Variants in CNTN6 observed in about 807,000 individuals in gnomAD.
The protein encoded by CNTN6 is contactin-6.
Under a neutral mutation model 122.8 loss-of-function variants are expected in CNTN6, and 137 were observed. The ratio of observed to expected loss-of-function variants is 1.12; its 90% CI spans 0.97 to 1.29. CNTN6 has a LOEUF of 1.29. Ranked by LOEUF, CNTN6 falls within the 50% of genes most tolerant of loss-of-function variation. The pLI is 0.00. For missense variants in CNTN6, 1,634 were observed against 1,223.4 expected (o/e 1.34, Z -5.01); for synonymous variants, 570 against 426.0 (o/e 1.34, Z -4.16).
chr3:1,313,126 T>C (rs1454304861), intron 7 of CNTN6, among the ~76,000 whole-genome samples: 1 of 152,042 alleles, frequency 6.6e-6, no homozygotes, highest in Non-Finnish European at 1.5e-5. Context: ...CACCTACCTA[T>C]ACCAAATTAT....
rs77469801 is a variant in CNTN6 at position 1,368,414 on chromosome 3, C to T, written c.1493-3885C>T. ...AGAGAATCATCAGCTCTAGATATTT[C>T]AACATTTATATTTCAGTGTATAATT... is the stretch of plus-strand genomic sequence containing the variant. On this transcript the variant is annotated intron_variant, in intron 12 of 22. Transcript: ENST00000446702. Among the ~76,000 whole-genome samples, 862 of 152,250 alleles carry T rather than the reference C, an allele frequency of 5.7e-3. 16 individuals carry two copies. Among genetic ancestry groups the T allele is most frequent in the African/African-American group, 0.02 (815 of 41,538 alleles).
At chr3:1,320,315 T>C (rs1700672527) in intron 7 of CNTN6, among the ~76,000 whole-genome samples, 1 of 151,788 alleles carries the variant, frequency 6.6e-6, no homozygotes, top group African/African-American at 2.4e-5. Context: ...ATATGATTTT[T>C]ATCCTTGTGC....
intron 1 of CNTN6, among the ~76,000 whole-genome samples, chr3:1,098,994 C>A (rs971443400): frequency 3.3e-5 from 5 of 150,804 alleles, no homozygotes; most frequent in Non-Finnish European, 7.4e-5. Context: ...TAGTCCATTC[C>A]TCATTCTACA....
chr3:1,252,335 C>CTACTA (rs1364024494), intron 4 of CNTN6, among the ~76,000 whole-genome samples: 94 of 152,078 alleles, frequency 6.2e-4, no homozygotes, highest in Non-Finnish European at 2.1e-4. Flanking sequence ...CTTTTTTCTG[C>CTACTA]TTAGTAGTTA....
intron 7 of CNTN6, among the ~76,000 whole-genome samples, chr3:1,319,549 ACAAT>A (rs1179877992): frequency 6.6e-6 from 1 of 151,606 alleles, no homozygotes; most frequent in African/African-American, 2.4e-5. Context: ...TTCTGTCTTC[ACAAT>A]CAATATAAAT....
rs1255569140 is a variant in CNTN6, at chr3:1,385,711, C to A, written c.2618C>A (p.Thr873Asn). ...AACATCACGGGGCTGAAAGCTAATA[C>A]CATCTACTTTGCTTCCGTAAGAGCT... ...TKNITGLKAN[T>N]IYFASVRAYN... is the part of the protein sequence containing the mutation. Residue 873 changes from threonine (T) to asparagine (N), a missense_variant, in exon 20 of 23, where the codon ACC (threonine) becomes AAC (asparagine). Physicochemically the swap from Thr to Asn is moderately conservative, Grantham distance 65 (BLOSUM62 0). Coordinates refer to ENST00000446702, the MANE Select transcript of CNTN6 (RefSeq NM_001289080.2). The A allele has an allele frequency of 1.9e-6, 3 of 1,614,042 alleles. No individual in the cohort carries two copies. The highest frequency in any genetic ancestry group is 3.3e-5 in the Admixed American group (2 of 60,014).
intron 2 of CNTN6, among the ~76,000 whole-genome samples, chr3:1,167,047 T>TAAAAAA (rs764885215): frequency 1.5e-5 from 2 of 131,268 alleles, no homozygotes; most frequent in Non-Finnish European, 1.6e-5. Flanking sequence ...AACTTAAAAT[T>TAAAAAA]AAAAAAAAAA....
At chr3:1,253,999 G>A (rs1052313945) in intron 4 of CNTN6, among the ~76,000 whole-genome samples, 3 of 152,044 alleles carry the variant, frequency 2.0e-5, no homozygotes, top group Non-Finnish European at 4.4e-5. Context: ...ATATAAATGG[G>A]ATTGTTCTAG....
In CNTN6 at chr3:1,319,060, T is replaced by A. The variant is rs1037754916; in HGVS notation, c.762-2590T>A. 2.0e-5 allele frequency among the ~76,000 whole-genome samples: 3 copies of A among 151,674 alleles called. No homozygotes were observed. In the East Asian group the frequency reaches 5.9e-4, roughly 30 times the overall value. On this transcript the variant is annotated intron_variant, in intron 7 of 22. Coordinates refer to ENST00000446702, the MANE Select transcript of CNTN6 (RefSeq NM_001289080.2). The stretch of plus-strand genomic sequence containing the variant: ...GTAAGACTTTAATGTTGTCACTGAG[T>A]TATTTTTCTTTGGACAAGGTGGAAT...
chr3:1,274,163 A>T (rs1032601455), intron 4 of CNTN6, among the ~76,000 whole-genome samples: 2 of 151,804 alleles, frequency 1.3e-5, no homozygotes, highest in African/African-American at 2.4e-5. Flanking sequence ...CAATATATTA[A>T]TTTTTTTTGT....
At chr3:1,100,166 G>A (rs1389917809) in intron 1 of CNTN6, among the ~76,000 whole-genome samples, 1 of 151,904 alleles carries the variant, frequency 6.6e-6, no homozygotes, top group Non-Finnish European at 1.5e-5. Flanking sequence ...CTCTTCTTGT[G>A]CTCTGAAGAC....
At position 1,383,341 on chromosome 3, in the gene CNTN6, C is replaced by T; in HGVS notation, c.2450C>T (p.Ser817Phe). 2 of 1,614,044 alleles carry T rather than the reference C, an allele frequency of 1.2e-6. No individual in the cohort carries two copies. Among genetic ancestry groups the T allele is most frequent in the Non-Finnish European group, 1.7e-6 (2 of 1,179,924 alleles). The change falls in exon 19 of 23, where the codon TCT becomes TTT. Residue 817 changes from serine to phenylalanine, a missense_variant. Ser to Phe is a radical substitution (Grantham distance 155, BLOSUM62 -2). Transcript: ENST00000446702. ...RGTSLQSFSA[S>F]EMEVSWNAIA... is the part of the protein sequence containing the mutation. Reference sequence around the variant, plus strand: ...ACTTCTCTCCAGAGTTTTTCTGCTTCTGAAATGGAGGTTTCATGGAATGCT... The same window carrying T: ...ACTTCTCTCCAGAGTTTTTCTGCTTTTGAAATGGAGGTTTCATGGAATGCT...
intron 4 of CNTN6, among the ~76,000 whole-genome samples, chr3:1,261,966 T>G (rs930361655): frequency 1.3e-5 from 2 of 152,136 alleles, no homozygotes; most frequent in Non-Finnish European, 2.9e-5. Context: ...TTGTTCTTGG[T>G]AAATTACTGG....
At position 1,360,027 on chromosome 3, in the gene CNTN6, C is replaced by T. The variant is rs142346260; in HGVS notation, c.1492+7576C>T. Among the ~76,000 whole-genome samples the T allele has an allele frequency of 4.5e-3, 679 of 152,208 alleles. 2 individuals are homozygous for T. Among genetic ancestry groups the T allele is most frequent in the Non-Finnish European group, 6.9e-3 (472 of 68,002 alleles). Reference sequence around the variant, plus strand: ...AACTCCATGCCTTTCTGTTTCTTAACATACTCCTTCACTTTGGTTGATTAA... The same window carrying T: ...AACTCCATGCCTTTCTGTTTCTTAATATACTCCTTCACTTTGGTTGATTAA... On this transcript the variant is annotated intron_variant, in intron 12 of 22. Coordinates refer to ENST00000446702, the MANE Select transcript of CNTN6 (RefSeq NM_001289080.2).
chr3:1,277,976 C>T (rs1692720273), intron 4 of CNTN6, among the ~76,000 whole-genome samples: 1 of 152,164 alleles, frequency 6.6e-6, no homozygotes, highest in Admixed American at 6.5e-5. Context: ...GAACTCTTTC[C>T]CTCACACCAT....
At chr3:1,171,368 C>T (rs2093354663) in intron 2 of CNTN6, among the ~76,000 whole-genome samples, 1 of 152,300 alleles carries the variant, frequency 6.6e-6, no homozygotes, top group African/African-American at 2.4e-5. Context: ...TAAATTTTGG[C>T]TACAGAGTTA....
Position 1,356,023 on chromosome 3 carries a change from T to C in CNTN6, c.1492+3572T>C, listed in dbSNP as rs537698580. Reference sequence around the variant, plus strand: ...TTCCAGCGCCTCAGAAGATGCCCAGTATAATTTAAGGACATGTTTCAGAGG... The same window carrying C: ...TTCCAGCGCCTCAGAAGATGCCCAGCATAATTTAAGGACATGTTTCAGAGG... On this transcript the variant is annotated intron_variant, in intron 12 of 22. Coordinates refer to ENST00000446702, the MANE Select transcript of CNTN6 (RefSeq NM_001289080.2). Among the ~76,000 whole-genome samples, 3 of 151,902 alleles carry C rather than the reference T, an allele frequency of 2.0e-5. No individual in the cohort carries two copies. In the South Asian group the frequency reaches 6.2e-4, roughly 31 times the overall value.
intron 2 of CNTN6, among the ~76,000 whole-genome samples, chr3:1,200,816 C>A (rs2093853091): frequency 6.6e-6 from 1 of 152,106 alleles, no homozygotes; most frequent in African/African-American, 2.4e-5. Context: ...CAACTTTTTC[C>A]TTAAGAAGAA....
At chr3:1,278,620 A>G in intron 5 of CNTN6, 112 bp downstream of exon 5, 1 of 644,558 alleles carries the variant, frequency 1.6e-6, no homozygotes, top group Non-Finnish European at 2.7e-6. Flanking sequence ...AGAAATTGTG[A>G]CTCTCGTCAA....
Sources: allele counts gnomAD v4.1 joint callset (sites outside exome capture counted in the v4.1 genomes callset), GRCh38; gene constraint gnomAD v4.1.1; transcripts MANE v1.5; gene names NCBI Gene and HGNC (gene_info 2026-07-23, HGNC 2026-07-21).